The following NOL4L variants were observed in gnomAD, a reference collection of about 807,000 sequenced individuals.
NOL4L encodes nucleolar protein 4-like.
Under a neutral mutation model 64.5 loss-of-function variants are expected in NOL4L, and 7 were observed. That is an observed-to-expected ratio of 0.11 (90% confidence interval 0.06 to 0.20). The LOEUF (loss-of-function observed/expected upper bound fraction) is 0.20, where lower values mean the gene tolerates loss of function less well. Among genes scored for constraint, NOL4L ranks in the 10% least tolerant of loss-of-function variants. NOL4L has a pLI of 1.00. For missense variants in NOL4L, 680 were observed against 967.1 expected, an observed-to-expected ratio of 0.70 and a Z score of 3.94; for synonymous variants, 413 against 401.0, an observed-to-expected ratio of 1.03 and a Z score of -0.36.
At chr20:32,510,051 C>T in intron 4 of NOL4L, 1 of 862,946 alleles carries the variant, frequency 1.2e-6, no homozygotes. Flanking sequence ...AAGCAACACC[C>T]TCATTACCGA....
Position 32,584,652 on chromosome 20 carries a change from A to C in NOL4L, c.239T>G (p.Val80Gly). ...GCCCAGGCGGAAGCCCTTGGAGCGCACCCAGAACTGGAACTTGCCTTTCTC... is the reference window on the plus strand; with the variant it reads ...GCCCAGGCGGAAGCCCTTGGAGCGCCCCCAGAACTGGAACTTGCCTTTCTC... ...AGEKGKFQFW[V>G]RSKGFRLGSG... is the part of the protein sequence containing the mutation. The change falls in exon 1 of 11, where the codon GTG becomes GGG. Residue 80 changes from valine (V) to glycine (G), a missense_variant. This residue lies in a region of NOL4L where 181 missense variants were observed against 335.2 expected (regional missense o/e 0.54). Coordinates refer to ENST00000621426, the MANE Select transcript of NOL4L (RefSeq NM_001256798.2). 1 of 1,545,938 alleles carries C rather than the reference A, an allele frequency of 6.5e-7. No individual in the cohort carries two copies. The highest frequency in any genetic ancestry group is 8.7e-7 in the Non-Finnish European group (1 of 1,144,846).
intron 1 of NOL4L, among the ~76,000 whole-genome samples, chr20:32,563,172 G>GC (rs1227146891): frequency 7.0e-5 from 1 of 14,196 alleles, no homozygotes. Context: ...AGGGTGGAGG[G>GC]AGGGAGAGTG....
intron 4 of NOL4L, among the ~76,000 whole-genome samples, chr20:32,503,365 GA>G (rs2017002078): frequency 6.6e-6 from 1 of 152,218 alleles, no homozygotes; most frequent in South Asian, 2.1e-4. Context: ...TGGAGCAAAG[GA>G]AAGAAGCCAG....
Position 32,452,300 on chromosome 20 carries a change from C to T in NOL4L, c.1758G>A (p.Gly586=), listed in dbSNP as rs757973555. The part of the protein sequence containing the change: ...ANGGLNYSYR[G]YGALSSNLQP... ...GCAGGTTGCTGCTCAAGGCCCCGTACCCGCGGTAACTGTAGTTGAGGCCGC... is the reference window on the plus strand; with the variant it reads ...GCAGGTTGCTGCTCAAGGCCCCGTATCCGCGGTAACTGTAGTTGAGGCCGC... The change falls in exon 10 of 11, where the codon GGG becomes GGA. Residue 586 remains glycine (G), a synonymous_variant. Coordinates refer to ENST00000621426, the MANE Select transcript of NOL4L (RefSeq NM_001256798.2). The T allele has an allele frequency of 3.1e-6, 5 of 1,607,352 alleles. No homozygotes were observed. In the East Asian group the frequency reaches 6.7e-5, roughly 22 times the overall value.
At chr20:32,511,012 C>A (rs1005842884) in intron 4 of NOL4L, among the ~76,000 whole-genome samples, 1 of 152,032 alleles carries the variant, frequency 6.6e-6, no homozygotes, top group Admixed American at 6.6e-5. Flanking sequence ...AAGAGGCCAG[C>A]GATAAAGGGC....
At chr20:32,448,463 T>C (rs991520266) in intron 10 of NOL4L, among the ~76,000 whole-genome samples, 4 of 152,124 alleles carry the variant, frequency 2.6e-5, no homozygotes, top group African/African-American at 9.7e-5. Context: ...CAGGCCAGAC[T>C]GGCCAGGCCA....
At chr20:32,506,753 T>C (rs1048796639) in intron 4 of NOL4L, among the ~76,000 whole-genome samples, 36 of 152,182 alleles carry the variant, frequency 2.4e-4, no homozygotes, top group African/African-American at 8.2e-4. Context: ...GTGGCTGCTG[T>C]TTTGTCCCCT....
At chr20:32,459,343 C>T (rs540422217) in intron 5 of NOL4L, among the ~76,000 whole-genome samples, 2 of 149,520 alleles carry the variant, frequency 1.3e-5, no homozygotes, top group East Asian at 2.0e-4. Flanking sequence ...TGGGCTGAAG[C>T]GATCTCCCCA....
chr20:32,541,954 C>T (rs2145598483), intron 1 of NOL4L, among the ~76,000 whole-genome samples: 1 of 152,330 alleles, frequency 6.6e-6, no homozygotes, highest in Admixed American at 6.5e-5. Context: ...ATATTGAGGA[C>T]TTGTACAGTG....
intron 1 of NOL4L, among the ~76,000 whole-genome samples, chr20:32,583,766 G>T (rs1980674772): frequency 6.8e-6 from 1 of 146,508 alleles, no homozygotes; most frequent in African/African-American, 2.5e-5. Flanking sequence ...CCGCCCGGCC[G>T]CCCGCCTCCT....
chr20:32,450,143 G>C (rs2012737685), intron 10 of NOL4L: 1 of 152,268 alleles, frequency 6.6e-6, no homozygotes, highest in Non-Finnish European at 1.5e-5. Flanking sequence ...AGGCAAGACA[G>C]GCCGAGCCTG....
intron 4 of NOL4L, chr20:32,511,066 C>T (rs2017379288): frequency 3.1e-6 from 1 of 324,142 alleles, no homozygotes; most frequent in Admixed American, 4.4e-5. Flanking sequence ...CTGCGGCTCC[C>T]TCCCTTCCAC....
intron 4 of NOL4L, among the ~76,000 whole-genome samples, chr20:32,483,019 G>C (rs293539): frequency 0.15 from 22,044 of 150,140 alleles, 2,609 homozygotes; most frequent in African/African-American, 0.33. Flanking sequence ...CGCACCCCGG[G>C]AGTGGGGTGC....
chr20:32,581,237 C>T (rs931809590), intron 1 of NOL4L, among the ~76,000 whole-genome samples: 2 of 152,192 alleles, frequency 1.3e-5, no homozygotes, highest in Non-Finnish European at 2.9e-5. Context: ...GCCTCTCCCC[C>T]ACGCCCAGGC....
rs11167170 is a variant in NOL4L, at chr20:32,497,056, C to CAAAA, written c.699+14287_699+14290dup. 9.5e-3 allele frequency among the ~76,000 whole-genome samples: 730 copies of CAAAA among 76,626 alleles called. 24 individuals are homozygous for CAAAA. The highest frequency in any genetic ancestry group is 0.029 in the African/African-American group (523 of 18,190). 50.3% of individuals were successfully genotyped at this position (76,626 alleles called of 152,430 possible). On this transcript the variant is annotated intron_variant, in intron 4 of 10. Transcript: ENST00000621426. ...AAGCAATACTGTGCCCTCCTACCCT[C>CAAAA]AAAAAAAAAAAAAAAAAAAAAGCCC...
intron 1 of NOL4L, among the ~76,000 whole-genome samples, chr20:32,554,129 G>C (rs991157897): frequency 6.6e-6 from 1 of 152,038 alleles, no homozygotes; most frequent in Non-Finnish European, 1.5e-5. Flanking sequence ...GACCATCCTG[G>C]CTAACAGGGT....
At chr20:32,488,785 TC>T (rs1568647730) in intron 4 of NOL4L, among the ~76,000 whole-genome samples, 1 of 43,890 alleles carries the variant, frequency 2.3e-5, no homozygotes, top group African/African-American at 2.4e-4. Context: ...CTTCCTTCCT[TC>T]CTTCCTTTCT....
intron 3 of NOL4L, among the ~76,000 whole-genome samples, chr20:32,517,353 C>G (rs1206259379): frequency 1.3e-5 from 2 of 152,198 alleles, no homozygotes; most frequent in African/African-American, 4.8e-5. Flanking sequence ...CTCTGCTTTC[C>G]CAGCAGCTGG....
chr20:32,584,862 C>T lies in NOL4L; in HGVS notation c.29G>A (p.Gly10Glu). Residue 10 changes from glycine (G) to glutamate (E), a missense_variant, in exon 1 of 11, where the codon GGG becomes GAG. Transcript: ENST00000621426. Reference protein sequence around the residue: MPKPTLLLRGGWERERSPGD... With the variant: MPKPTLLLREGWERERSPGD... ...GGGGCTGCGCTCGCGCTCCCAGCCC[C>T]CGCGCAGCAGCAGCGTCGGCTTCGG... 7.1e-7 allele frequency: 1 copy of T among 1,418,420 alleles called. No homozygotes were observed. Among genetic ancestry groups the T allele is most frequent in the Non-Finnish European group, 9.3e-7 (1 of 1,077,454 alleles). The allele number at this position is 1,418,420 out of a possible 1,614,324, so 87.9% of individuals were successfully genotyped here.
Sources: gnomAD v4.1 joint callset for allele counts (sites outside exome capture counted in the v4.1 genomes callset) on GRCh38, gnomAD v4.1.1 for gene constraint, gnomAD v4.1.1 regional missense constraint, MANE v1.5 for transcripts, NCBI Gene and HGNC (gene_info 2026-07-23, HGNC 2026-07-21) for gene names.